Variants in XYLT1 observed in about 807,000 individuals in gnomAD.
XYLT1 encodes beta-D-xylosyltransferase 1.
XYLT1 carries 36 observed loss-of-function variants against 91.3 expected under a neutral mutation model. The observed-to-expected ratio is 0.39, with a 90% confidence interval of 0.30 to 0.52. The LOEUF is 0.52. XYLT1 is among the 20% of genes least tolerant of loss of function. The pLI, the probability that XYLT1 is intolerant of heterozygous loss-of-function variation, is 0.68. For missense variants in XYLT1, 1,242 were observed against 1,284.5 expected (o/e 0.97, Z 0.51); for synonymous variants, 588 against 532.0 (o/e 1.11, Z -1.45).
chr16:17,217,024 G>A (rs889076351), intron 3 of XYLT1, among the ~76,000 whole-genome samples: 4 of 152,200 alleles, frequency 2.6e-5, no homozygotes, highest in Non-Finnish European at 5.9e-5. Flanking sequence ...GGAGCACTTG[G>A]AACATACAGT....
chr16:17,277,290 A>C (rs1179222323), intron 2 of XYLT1, among the ~76,000 whole-genome samples: 1 of 151,458 alleles, frequency 6.6e-6, no homozygotes, highest in Non-Finnish European at 1.5e-5. Context: ...TGAAGTATGG[A>C]GTATGATTGA....
At chr16:17,455,690 G>C (rs1430711403) in intron 1 of XYLT1, among the ~76,000 whole-genome samples, 1 of 152,110 alleles carries the variant, frequency 6.6e-6, no homozygotes. Context: ...TTGTTTCATG[G>C]TTTAAGGGAT....
intron 5 of XYLT1, among the ~76,000 whole-genome samples, chr16:17,190,639 G>A (rs1567315275): frequency 6.6e-6 from 1 of 151,924 alleles, no homozygotes; most frequent in Non-Finnish European, 1.5e-5. Context: ...CTTTTTTATG[G>A]CTGCATAGTA....
intron 2 of XYLT1, among the ~76,000 whole-genome samples, chr16:17,331,626 T>C (rs113362734): frequency 0.083 from 12,624 of 152,232 alleles, 539 homozygotes; most frequent in Non-Finnish European, 0.1. Flanking sequence ...TATATGTTGA[T>C]GACAGACAGA....
chr16:17,153,041 C>G (rs139437381), intron 6 of XYLT1, among the ~76,000 whole-genome samples: 1 of 152,224 alleles, frequency 6.6e-6, no homozygotes, highest in East Asian at 1.9e-4. Flanking sequence ...AGTTATTGAA[C>G]ATTTTTGTAA....
chr16:17,327,602 TCCCGCCCC>T (rs1392578425), intron 2 of XYLT1, among the ~76,000 whole-genome samples: 17 of 107,114 alleles, frequency 1.6e-4, no homozygotes, highest in African/African-American at 6.2e-4. Flanking sequence ...GACCTCGTGA[TCCCGCCCC>T]CCCCCCCCCC....
At chr16:17,309,192 C>G (rs187221929) in intron 2 of XYLT1, among the ~76,000 whole-genome samples, 3 of 152,134 alleles carry the variant, frequency 2.0e-5, no homozygotes, top group Admixed American at 2.0e-4. Flanking sequence ...TGGGTGAGTG[C>G]TGTCCTATGC....
intron 1 of XYLT1, among the ~76,000 whole-genome samples, chr16:17,387,953 A>G (rs963662180): frequency 2.2e-4 from 33 of 152,194 alleles, no homozygotes; most frequent in African/African-American, 7.7e-4. Context: ...TACACAAACC[A>G]TGACTCAGTA....
chr16:17,370,685 CAT>C (rs2035521352), intron 1 of XYLT1, among the ~76,000 whole-genome samples: 2 of 152,304 alleles, frequency 1.3e-5, no homozygotes, highest in Non-Finnish European at 2.9e-5. Flanking sequence ...TCAGCTCAGG[CAT>C]AGTTTGTTCA....
rs768835803 is a variant in XYLT1 at position 17,108,674 on chromosome 16, GC to G, written c.*20del. 21 of 1,538,598 alleles carry G rather than the reference GC, an allele frequency of 1.4e-5. No homozygotes were observed. The African/African-American group carries it at 2.6e-4, about 19-fold the overall frequency. The stretch of plus-strand genomic sequence containing the variant: ...GCTTTCCCGTTGAGATCCTGCTGTG[GC>G]CCACTCCTCGTGCCCAGTGCTACCT... On this transcript the variant is annotated 3_prime_UTR_variant, in exon 12 of 12. Transcript: ENST00000261381.
At chr16:17,240,129 G>A (rs921083627) in intron 3 of XYLT1, among the ~76,000 whole-genome samples, 4 of 152,214 alleles carry the variant, frequency 2.6e-5, no homozygotes, top group African/African-American at 7.2e-5. Context: ...AGCATAACTG[G>A]GTTTAAACTC....
intron 3 of XYLT1, among the ~76,000 whole-genome samples, chr16:17,222,228 G>A (rs1328215505): frequency 2.6e-5 from 4 of 152,184 alleles, no homozygotes; most frequent in South Asian, 2.1e-4. Flanking sequence ...ACTAAGTTAT[G>A]CCCTAAGCCA....
chr16:17,467,205 T>C (rs886542284), intron 1 of XYLT1, among the ~76,000 whole-genome samples: 1 of 152,190 alleles, frequency 6.6e-6, no homozygotes, highest in Non-Finnish European at 1.5e-5. Flanking sequence ...ATTTCTTAAA[T>C]GAAACTTACT....
chr16:17,145,949 C>T (rs931787783), intron 6 of XYLT1, among the ~76,000 whole-genome samples: 2 of 152,186 alleles, frequency 1.3e-5, no homozygotes, highest in Non-Finnish European at 2.9e-5. Flanking sequence ...CACTACAACA[C>T]ACTTTGGCTC....
chr16:17,365,847 C>T (rs904455048), intron 1 of XYLT1, among the ~76,000 whole-genome samples: 17 of 152,118 alleles, frequency 1.1e-4, no homozygotes, highest in South Asian at 2.1e-4. Flanking sequence ...TCCTTGAGCA[C>T]AAATGGTTAT....
At chr16:17,415,170 G>A (rs2036165023) in intron 1 of XYLT1, among the ~76,000 whole-genome samples, 1 of 152,116 alleles carries the variant, frequency 6.6e-6, no homozygotes, top group African/African-American at 2.4e-5. Flanking sequence ...ATTGGTGCGT[G>A]CAGCCAGGAT....
At chr16:17,291,740 G>A (rs1375243792) in intron 2 of XYLT1, among the ~76,000 whole-genome samples, 2 of 152,140 alleles carry the variant, frequency 1.3e-5, no homozygotes, top group African/African-American at 2.4e-5. Context: ...GTATTTTATC[G>A]CAATAGCTAT....
At chr16:17,132,655 C>G (rs1226096292) in intron 9 of XYLT1, among the ~76,000 whole-genome samples, 1 of 152,174 alleles carries the variant, frequency 6.6e-6, no homozygotes, top group East Asian at 1.9e-4. Context: ...GTAATCTCAG[C>G]ACTTAGGGAG....
chr16:17,379,761 T>TCACACACACACACACACA (rs1466780792), intron 1 of XYLT1, among the ~76,000 whole-genome samples: 14 of 117,676 alleles, frequency 1.2e-4, no homozygotes, highest in African/African-American at 5.4e-4. Context: ...TCTCTCTCTC[T>TCACACACACACACACACA]CTCACACACA....
Sources: allele counts gnomAD v4.1 joint callset (sites outside exome capture counted in the v4.1 genomes callset), GRCh38; gene constraint gnomAD v4.1.1; transcripts MANE v1.5; gene names NCBI Gene and HGNC (gene_info 2026-07-23, HGNC 2026-07-21).